ZNF469: variants seen among roughly 807,000 people sequenced by gnomAD.
ZNF469 encodes the protein zinc finger protein 469.
Under a neutral mutation model 1.0 loss-of-function variants are expected in ZNF469, and 1 was observed. That is an observed-to-expected ratio of 1.00 (90% CI 0.35 to 4.73). The LOEUF (loss-of-function observed/expected upper bound fraction) is 4.73, where lower values mean the gene tolerates loss of function less well. ZNF469 is among the 30% of genes most tolerant of loss of function. The pLI is 0.16. For synonymous variants in ZNF469, 2,703 were observed against 2,363.4 expected (o/e 1.14, Z -4.17); for missense variants, 6,100 against 5,356.3 (o/e 1.14, Z -4.33).
chr16:88,242,938 C>A, the ZNF469 span, among the ~76,000 whole-genome samples: 1 of 152,192 alleles, frequency 6.6e-6, no homozygotes, highest in Non-Finnish European at 1.5e-5. Context: ...ATGGAATGAA[C>A]AAAAACAAAA....
chr16:88,338,674 A>C, the ZNF469 span, among the ~76,000 whole-genome samples: 1 of 152,276 alleles, frequency 6.6e-6, no homozygotes, highest in East Asian at 1.9e-4. Flanking sequence ...GGGCCTTTGC[A>C]GGTGCAATTA....
At chr16:88,301,051 C>G in the ZNF469 span, among the ~76,000 whole-genome samples, 1 of 151,700 alleles carries the variant, frequency 6.6e-6, no homozygotes, top group African/African-American at 2.4e-5. Flanking sequence ...GGCAACAGAG[C>G]GAGACTGTCT....
chr16:88,316,223 G>T, the ZNF469 span, among the ~76,000 whole-genome samples: 1 of 152,240 alleles, frequency 6.6e-6, no homozygotes, highest in Non-Finnish European at 1.5e-5. Flanking sequence ...AGAACCCGCA[G>T]GGCTGGGTCC....
chr16:88,193,090 G>A, the ZNF469 span, among the ~76,000 whole-genome samples: 1 of 97,906 alleles, frequency 1.0e-5, no homozygotes, highest in Admixed American at 1.0e-4. Context: ...GATGGTGGTG[G>A]TGATGGTGTT....
the ZNF469 span, among the ~76,000 whole-genome samples, chr16:88,312,162 A>G: frequency 1.3e-5 from 2 of 151,206 alleles, no homozygotes. Flanking sequence ...TGAGAACAGT[A>G]TGGGGGAAAC....
At chr16:88,211,222 C>T in the ZNF469 span, among the ~76,000 whole-genome samples, 3 of 152,190 alleles carry the variant, frequency 2.0e-5, no homozygotes, top group Admixed American at 6.5e-5. Flanking sequence ...TTGATGTACA[C>T]GGAGGGTATT....
the ZNF469 span, among the ~76,000 whole-genome samples, chr16:88,195,955 G>A: frequency 6.6e-5 from 10 of 152,220 alleles, no homozygotes; most frequent in Non-Finnish European, 1.0e-4. Flanking sequence ...GATTAACTTG[G>A]GAAACTGGAA....
chr16:88,388,767 G>C (rs149048730), intron 1 of ZNF469, among the ~76,000 whole-genome samples: 2,875 of 151,968 alleles, frequency 0.019, 79 homozygotes, highest in African/African-American at 0.066. Flanking sequence ...CGGAGAGCCT[G>C]GTGCCAGGGC....
chr16:88,243,278 C>G, the ZNF469 span, among the ~76,000 whole-genome samples: 1 of 152,204 alleles, frequency 6.6e-6, no homozygotes, highest in African/African-American at 2.4e-5. Context: ...CCTGACAGCA[C>G]TCACTCTAAG....
chr16:88,112,009 A>G, the ZNF469 span, among the ~76,000 whole-genome samples: 1 of 152,082 alleles, frequency 6.6e-6, no homozygotes. Context: ...CGTTGTTCCA[A>G]TGACAGGATC....
At position 88,434,537 on chromosome 16, in the gene ZNF469, A is replaced by C; in HGVS notation, c.7067A>C (p.Gln2356Pro). Residue 2356 changes from glutamine (Q) to proline (P), a missense_variant, in exon 3 of 3, where the codon CAG (glutamine) becomes CCG (proline). By Grantham distance (76) the Gln-to-Pro change is moderately conservative. Coordinates refer to ENST00000565624, the MANE Select transcript of ZNF469 (RefSeq NM_001367624.2). ...GTGCCCACTGAGCCTCCCACGCTAC[A>C]GGGTGCAGGGCCGGACTCCCCCGCC... is the stretch of plus-strand genomic sequence containing the variant. The part of the protein sequence containing the change: ...TAVPTEPPTL[Q>P]GAGPDSPACL... 1 of 1,550,326 alleles carries C rather than the reference A, an allele frequency of 6.5e-7. No homozygotes were observed. The highest frequency in any genetic ancestry group is 8.7e-7 in the Non-Finnish European group (1 of 1,146,952).
chr16:88,431,120 C>A lies in ZNF469; in HGVS notation c.3650C>A (p.Pro1217Gln). ...ACCGAGACCTCAGAGGAAACCCGCCCGTCGCTGGACTTTCCCCAGGAGGCC... is the reference window on the plus strand; with the variant it reads ...ACCGAGACCTCAGAGGAAACCCGCCAGTCGCTGGACTTTCCCCAGGAGGCC... ...TNTETSEETRPSLDFPQEAKE... is the reference protein window; with the variant it reads ...TNTETSEETRQSLDFPQEAKE... The change falls in exon 3 of 3, where the codon CCG (proline) becomes CAG (glutamine). Residue 1217 changes from proline to glutamine, a missense_variant. Coordinates refer to ENST00000565624, the MANE Select transcript of ZNF469 (RefSeq NM_001367624.2). 1 of 1,550,268 alleles carries A rather than the reference C, an allele frequency of 6.5e-7. No homozygotes were observed. The highest frequency in any genetic ancestry group is 1.2e-5 in the South Asian group (1 of 84,058).
chr16:88,243,911 C>CATATATAT, the ZNF469 span, among the ~76,000 whole-genome samples: 226 of 26,232 alleles, frequency 8.6e-3, 6 homozygotes, highest in South Asian at 0.016. Flanking sequence ...TGGCTGGATG[C>CATATATAT]ATATATATAT....
At chr16:88,250,884 T>A in the ZNF469 span, among the ~76,000 whole-genome samples, 411 of 152,120 alleles carry the variant, frequency 2.7e-3, 1 homozygote, top group Non-Finnish European at 4.8e-3. Flanking sequence ...CGTTTTGGGG[T>A]TTTTTTGTTT....
At chr16:88,273,804 A>AT in the ZNF469 span, among the ~76,000 whole-genome samples, 14,190 of 135,116 alleles carry the variant, frequency 0.11, 1,790 homozygotes, top group African/African-American at 0.29. Context: ...ACTGTGGAAT[A>AT]TTTTTTTTTT....
At chr16:88,218,570 C>T in the ZNF469 span, among the ~76,000 whole-genome samples, 4 of 152,126 alleles carry the variant, frequency 2.6e-5, no homozygotes, top group African/African-American at 9.7e-5. Flanking sequence ...TTCAACAACG[C>T]TTCATGCTAA....
chr16:88,102,974 C>T, the ZNF469 span, among the ~76,000 whole-genome samples: 2 of 152,270 alleles, frequency 1.3e-5, no homozygotes, highest in East Asian at 1.9e-4. Flanking sequence ...GGACAGGAAT[C>T]GCTCTCCTCC....
At chr16:88,212,344 A>G in the ZNF469 span, among the ~76,000 whole-genome samples, 21 of 152,010 alleles carry the variant, frequency 1.4e-4, no homozygotes, top group African/African-American at 5.1e-4. Flanking sequence ...TCACTTATAC[A>G]CAGTGTCTCT....
At chr16:88,185,342 C>G in the ZNF469 span, among the ~76,000 whole-genome samples, 1 of 152,060 alleles carries the variant, frequency 6.6e-6, no homozygotes, top group Admixed American at 6.5e-5. Context: ...CACATGAATA[C>G]AATGCATGCA....
Sources: gnomAD v4.1 joint callset for allele counts (sites outside exome capture counted in the v4.1 genomes callset) on GRCh38, gnomAD v4.1.1 for gene constraint, MANE v1.5 for transcripts, NCBI Gene and HGNC (gene_info 2026-07-23, HGNC 2026-07-21) for gene names.